NAALADL2: variants seen among roughly 807,000 people sequenced by gnomAD.
NAALADL2 encodes N-acetylated alpha-linked acidic dipeptidase like 2.
Under a neutral mutation model 87.2 loss-of-function variants are expected in NAALADL2, and 76 were observed. The ratio of observed to expected loss-of-function variants is 0.87; its 90% confidence interval spans 0.72 to 1.05. NAALADL2 has a LOEUF of 1.05. NAALADL2 is among the 50% of genes least tolerant of loss of function. The pLI is 0.00. For synonymous variants in NAALADL2, 354 were observed against 331.0 expected (o/e 1.07, Z -0.75); for missense variants, 1,089 against 945.8 (o/e 1.15, Z -1.99).
chr3:174,608,771 C>A (rs1719424937), intron 2 of NAALADL2, among the ~76,000 whole-genome samples: 1 of 147,716 alleles, frequency 6.8e-6, no homozygotes, highest in Admixed American at 6.7e-5. Flanking sequence ...TGAAACTATT[C>A]CAATCAATAG....
At position 175,701,511 on chromosome 3, in the gene NAALADL2, G is replaced by A. The variant is rs544760996; in HGVS notation, c.1897-35795G>A. Among the ~76,000 whole-genome samples the A allele has an allele frequency of 1.8e-4, 27 of 152,162 alleles. No homozygotes were observed. The South Asian group carries it at 5.2e-3, about 29-fold the overall frequency. On this transcript the variant is annotated intron_variant, in intron 11 of 13. Coordinates refer to ENST00000454872, the MANE Select transcript of NAALADL2 (RefSeq NM_207015.3). ...GTATTAATATTTGGATTTCAAACAC[G>A]TATTTACCAAAAAATGGCATGCCTT...
intron 2 of NAALADL2, among the ~76,000 whole-genome samples, chr3:174,674,229 A>G (rs1157249488): frequency 2.0e-5 from 3 of 151,986 alleles, no homozygotes; most frequent in Non-Finnish European, 2.9e-5. Context: ...GAACTCACTC[A>G]TCACCAAGGG....
In NAALADL2 at chr3:175,102,573, G is replaced by A. The variant is rs1722395138; in HGVS notation, c.545+5282G>A. Among the ~76,000 whole-genome samples the A allele has an allele frequency of 2.0e-5, 3 of 151,904 alleles. No individual in the cohort carries two copies. The South Asian group carries it at 6.2e-4, about 32-fold the overall frequency. ...GTATGTATGGTACGCCATCTCTTTG[G>A]ATTTCTCTTACTAGACACATTTTAT... is the stretch of plus-strand genomic sequence containing the variant. On this transcript the variant is annotated intron_variant, in intron 2 of 13. Transcript: ENST00000454872.
chr3:174,801,126 A>C (rs780386630), intron 3 of NAALADL2, among the ~76,000 whole-genome samples: 1 of 152,190 alleles, frequency 6.6e-6, no homozygotes, highest in South Asian at 2.1e-4. Context: ...TAGGAAAGAC[A>C]TGATTGGTTT....
chr3:174,825,872 A>T (rs1216039411), intron 3 of NAALADL2, among the ~76,000 whole-genome samples: 1 of 152,062 alleles, frequency 6.6e-6, no homozygotes, highest in Non-Finnish European at 1.5e-5. Context: ...CTAAAAACAC[A>T]AAAAATTAGG....
At chr3:174,988,522 A>ACAT (rs1166063007) in intron 1 of NAALADL2, among the ~76,000 whole-genome samples, 1 of 152,204 alleles carries the variant, frequency 6.6e-6, no homozygotes, top group Non-Finnish European at 1.5e-5. Context: ...ACATGCCACA[A>ACAT]ACTGAGTGCC....
At chr3:175,431,157 T>A (rs1010406793) in intron 5 of NAALADL2, among the ~76,000 whole-genome samples, 29 of 152,220 alleles carry the variant, frequency 1.9e-4, no homozygotes, top group African/African-American at 7.0e-4. Context: ...GTGTCACTTC[T>A]TTTGTTTCAT....
intron 1 of NAALADL2, among the ~76,000 whole-genome samples, chr3:174,862,338 G>A (rs1226717296): frequency 1.3e-5 from 2 of 152,060 alleles, no homozygotes; most frequent in East Asian, 3.9e-4. Context: ...ATGGGAGGGT[G>A]ACAGCTCCCT....
chr3:174,996,496 C>CAA (rs544719815), intron 1 of NAALADL2, among the ~76,000 whole-genome samples: 3,581 of 134,816 alleles, frequency 0.027, 120 homozygotes, highest in East Asian at 0.17. Flanking sequence ...GACTCTGTCT[C>CAA]AAAAAAAAAA....
intron 12 of NAALADL2, among the ~76,000 whole-genome samples, chr3:175,745,404 A>G (rs11707906): frequency 0.15 from 23,340 of 152,204 alleles, 2,001 homozygotes; most frequent in African/African-American, 0.22. Context: ...CTCAGTATCC[A>G]TGGAGAATTG....
At chr3:174,813,119 G>C (rs1017023492) in intron 3 of NAALADL2, among the ~76,000 whole-genome samples, 1 of 151,938 alleles carries the variant, frequency 6.6e-6, no homozygotes, top group Admixed American at 6.6e-5. Context: ...TTCCAGTCCC[G>C]CAAGACCCAT....
intron 1 of NAALADL2, among the ~76,000 whole-genome samples, chr3:174,875,924 T>C (rs142504699): frequency 1.1e-3 from 173 of 151,890 alleles, no homozygotes; most frequent in African/African-American, 3.8e-3. Context: ...AGTAATAATT[T>C]AATTTTTAAA....
At chr3:175,066,953 A>G (rs1674028048) in intron 1 of NAALADL2, among the ~76,000 whole-genome samples, 1 of 152,182 alleles carries the variant, frequency 6.6e-6, no homozygotes, top group South Asian at 2.1e-4. Flanking sequence ...GTAAATGTCA[A>G]GGCCTATCTA....
chr3:175,302,605 T>C (rs1209818145), intron 4 of NAALADL2, among the ~76,000 whole-genome samples: 1 of 152,170 alleles, frequency 6.6e-6, no homozygotes, highest in Non-Finnish European at 1.5e-5. Flanking sequence ...TTAAATATGC[T>C]GTATTACTAA....
intron 10 of NAALADL2, among the ~76,000 whole-genome samples, chr3:175,592,793 G>A (rs1721705248): frequency 6.6e-6 from 1 of 151,226 alleles, no homozygotes; most frequent in African/African-American, 2.4e-5. Flanking sequence ...AATGCTAGAT[G>A]ACGAGTTATT....
intron 1 of NAALADL2, among the ~76,000 whole-genome samples, chr3:175,013,267 TTATATATATACATATATA>T (rs1268468255): frequency 5.5e-5 from 6 of 109,226 alleles, no homozygotes; most frequent in African/African-American, 2.5e-4. Flanking sequence ...ACATATATTT[TTATATATATACATATATA>T]TATATATATA....
At chr3:174,597,806 AG>A (rs1383700742) in intron 2 of NAALADL2, among the ~76,000 whole-genome samples, 2 of 152,188 alleles carry the variant, frequency 1.3e-5, no homozygotes, top group African/African-American at 4.8e-5. Context: ...TTTTAACCTT[AG>A]GACTCAGAGG....
At chr3:175,505,419 C>T (rs1560669694) in intron 9 of NAALADL2, among the ~76,000 whole-genome samples, 1 of 152,120 alleles carries the variant, frequency 6.6e-6, no homozygotes, top group Non-Finnish European at 1.5e-5. Context: ...AGTCAACCCA[C>T]AGTCCATAAA....
chr3:174,730,073 C>A (rs1024476199), intron 2 of NAALADL2, among the ~76,000 whole-genome samples: 1 of 151,978 alleles, frequency 6.6e-6, no homozygotes, highest in South Asian at 2.1e-4. Flanking sequence ...AATTTCAGAG[C>A]CTTACCCTTA....
Sources: allele counts gnomAD v4.1 joint callset (sites outside exome capture counted in the v4.1 genomes callset), GRCh38; gene constraint gnomAD v4.1.1; transcripts MANE v1.5; gene names NCBI Gene and HGNC (gene_info 2026-07-23, HGNC 2026-07-21).